Variants in TBKBP1 observed in about 807,000 individuals in gnomAD.
The protein encoded by TBKBP1 is TBK1 binding protein 1, also known as TANK-binding kinase 1-binding protein 1.
TBKBP1 carries 47 observed loss-of-function variants against 69.9 expected under a neutral mutation model. The ratio of observed to expected loss-of-function variants is 0.67; its 90% CI spans 0.53 to 0.86. The LOEUF (loss-of-function observed/expected upper bound fraction) is 0.86. Ranked by LOEUF, TBKBP1 falls within the 40% of genes least tolerant of loss-of-function variation. The probability of loss-of-function intolerance (pLI) is 0.00; values close to 1 mark genes in which losing one functional copy is unlikely to be tolerated. For missense variants in TBKBP1, 831 were observed against 858.6 expected, an observed-to-expected ratio of 0.97 and a Z score of 0.40; for synonymous variants, 418 against 390.3, an observed-to-expected ratio of 1.07 and a Z score of -0.84.
chr17:47,709,592 A>C (rs994077235), intron 9 of TBKBP1, 140 bp downstream of exon 9: 2 of 1,262,226 alleles, frequency 1.6e-6, no homozygotes, highest in African/African-American at 1.6e-5. Context: ...CCCGGGCCAC[A>C]GTCTAGGTCC....
intron 6 of TBKBP1, 63 bp downstream of exon 6, chr17:47,699,558 A>G (rs1201554888): frequency 6.2e-7 from 1 of 1,613,268 alleles, no homozygotes; most frequent in Non-Finnish European, 8.5e-7. Flanking sequence ...CACTGTGTGC[A>G]GACTGGCCCA....
Position 47,696,753 on chromosome 17 carries a change from C to G in TBKBP1, c.268C>G (p.Leu90Val), listed in dbSNP as rs753484994. ...SDFGEEHGFS[L>V]YEIKDGSLLE... ...CTTTGGAGAGGAGCATGGCTTTTCTCTGTATGAAATCAAGGATGGCTCCCT... is the reference window on the plus strand; with the variant it reads ...CTTTGGAGAGGAGCATGGCTTTTCTGTGTATGAAATCAAGGATGGCTCCCT... The change falls in exon 3 of 10, where the codon CTG becomes GTG. Residue 90 changes from leucine to valine, a missense_variant. By Grantham distance (32) the Leu-to-Val change is conservative (BLOSUM62 1). Transcript: ENST00000578982. The G allele has an allele frequency of 3.1e-6, 5 of 1,613,870 alleles. No homozygotes were observed. The African/African-American group carries it at 4.0e-5, about 13-fold the overall frequency.
Position 47,696,810 on chromosome 17 carries a change from CG to C in TBKBP1, c.327del (p.Leu110SerfsTer21). 1 of 1,613,896 alleles carries C rather than the reference CG, an allele frequency of 6.2e-7. No homozygotes were observed. Among genetic ancestry groups the C allele is most frequent in the Non-Finnish European group, 8.5e-7 (1 of 1,179,814 alleles). ...GGTGGAGAAGGTCAGCCTGCAGCAA[CG>C]GCTCAACCAGTTCCAGCATGAGGTG... The part of the protein sequence containing the change: ...LEVEKVSLQQ[R>X]LNQFQHELQK... On this transcript the variant is annotated frameshift_variant, in exon 3 of 10. Transcript: ENST00000578982. LOFTEE classifies it high-confidence loss of function.
intron 7 of TBKBP1, among the ~76,000 whole-genome samples, chr17:47,704,087 C>T (rs578164186): frequency 1.2e-4 from 18 of 152,314 alleles, no homozygotes; most frequent in Admixed American, 7.8e-4. Flanking sequence ...GGGCAACTAG[C>T]GTGAACTGGG....
chr17:47,708,963 CCCGCAGCG>C lies in TBKBP1; in HGVS notation c.1234_1241del (p.Gln412PhefsTer50). The C allele has an allele frequency of 8.7e-7, 1 of 1,151,280 alleles. No homozygotes were observed. The allele number at this position is 1,151,280 out of a possible 1,614,324, so 71.3% of individuals were successfully genotyped here. On this transcript the variant is annotated frameshift_variant, in exon 9 of 10. Transcript: ENST00000578982. LOFTEE classifies it high-confidence loss of function. This position sits in a 1 kb window ranked among gnomAD's most constrained non-coding sequence, Gnocchi z 4.4. ...TGCCGCCGTCGTGCCAGTCCCCCAG[CCCGCAGCG>C]CCGTTCCCCGGTGCCCCCCAGCTGC... is the stretch of plus-strand genomic sequence containing the variant.
rs376035317 is a variant in TBKBP1 at position 47,708,446 on chromosome 17, C to G, written c.925C>G (p.Arg309Gly). Residue 309 changes from arginine (R) to glycine (G), a missense_variant, in exon 8 of 10, where the codon CGG becomes GGG. Transcript: ENST00000578982. This position sits in a 1 kb window ranked among gnomAD's most constrained non-coding sequence, Gnocchi z 4.4. ...GCTGACGGAGGAGCTGGGCCGGCTT[C>G]GGGAGTTGAGTTCCCTACAGGGGAG... ...TELTEELGRL[R>G]ELSSLQGRIL... 9 of 1,613,750 alleles carry G rather than the reference C, an allele frequency of 5.6e-6. No homozygotes were observed. In the African/African-American group the frequency reaches 1.2e-4, roughly 22 times the overall value.
intron 7 of TBKBP1, among the ~76,000 whole-genome samples, chr17:47,701,354 G>C (rs865811442): frequency 8.3e-5 from 12 of 144,046 alleles, no homozygotes; most frequent in South Asian, 2.2e-4. Flanking sequence ...GACACACACA[G>C]ACACACACAC....
chr17:47,709,417 C>A lies in TBKBP1; in HGVS notation c.1684C>A (p.His562Asn). Reference sequence around the variant, plus strand: ...GTCGCCCGCCGCCACCGCCTACGCCCACGCCGAGCACGCGCAGTCCTGGCC... The same window carrying A: ...GTCGCCCGCCGCCACCGCCTACGCCAACGCCGAGCACGCGCAGTCCTGGCC... ...PESPAATAYA[H>N]AEHAQSWPSI... Residue 562 changes from histidine (H) to asparagine (N), a missense_variant, in exon 9 of 10, where the codon CAC becomes AAC. Transcript: ENST00000578982. The A allele has an allele frequency of 6.5e-7, 1 of 1,541,832 alleles. No individual in the cohort carries two copies. Among genetic ancestry groups the A allele is most frequent in the East Asian group, 2.5e-5 (1 of 40,726 alleles).
rs1297024072 is a variant in TBKBP1, at chr17:47,710,621, A to G, written c.1843A>G (p.Ile615Val). ...TGACTCCCACCTGGAGAACAGCAAG[A>G]TCTAGGGCACCAGCCCCACCCACTG... is the stretch of plus-strand genomic sequence containing the variant. ...HIDSHLENSK[I>V] is the part of the protein sequence containing the mutation. Residue 615 changes from isoleucine to valine, a missense_variant, in exon 10 of 10, where the codon ATC (isoleucine) becomes GTC (valine). By Grantham distance (29) the Ile-to-Val change is conservative. Coordinates refer to ENST00000578982, the MANE Select transcript of TBKBP1 (RefSeq NM_001394755.1). 2 of 1,599,628 alleles carry G rather than the reference A, an allele frequency of 1.3e-6. No individual in the cohort carries two copies. The highest frequency in any genetic ancestry group is 3.3e-5 in the Admixed American group (2 of 59,768).
At chr17:47,706,391 TC>T (rs1197069414) in intron 7 of TBKBP1, among the ~76,000 whole-genome samples, 1 of 152,084 alleles carries the variant, frequency 6.6e-6, no homozygotes, top group Non-Finnish European at 1.5e-5. Context: ...CACCTGGACC[TC>T]CCAGTCTGAT....
rs771474888 is a variant in TBKBP1 at position 47,696,328 on chromosome 17, C to T, written c.216C>T (p.Tyr72=). The change falls in exon 2 of 10, where the codon TAC becomes TAT. Residue 72 remains tyrosine (Y), a synonymous_variant. Coordinates refer to ENST00000578982, the MANE Select transcript of TBKBP1 (RefSeq NM_001394755.1). ...NATLRRRLKV[Y]EIKYPLISDF... is the part of the protein sequence containing the mutation. ...CCCTCCGACGCCGCCTCAAAGTCTA[C>T]GAGATCAAGGTCAGAACTTGGAGAG... 30 of 1,612,554 alleles carry T rather than the reference C, an allele frequency of 1.9e-5. No homozygotes were observed. Among genetic ancestry groups the T allele is most frequent in the Middle Eastern group, 1.6e-4 (1 of 6,082 alleles).
chr17:47,699,405 C>A lies in TBKBP1; in HGVS notation c.720C>A (p.Ala240=). The change falls in exon 6 of 10, where the codon GCC becomes GCA. Residue 240 remains alanine (A), a synonymous_variant. Coordinates refer to ENST00000578982, the MANE Select transcript of TBKBP1 (RefSeq NM_001394755.1). The part of the protein sequence containing the change: ...EEALEAAQGE[A]RGAQLREEQL... ...CTTTGGAGGCCGCGCAGGGAGAGGC[C>A]CGGGGGGCTCAGCTCCGGGAGGAGC... 1 of 1,566,050 alleles carries A rather than the reference C, an allele frequency of 6.4e-7. No homozygotes were observed. The highest frequency in any genetic ancestry group is 8.6e-7 in the Non-Finnish European group (1 of 1,160,080).
intron 7 of TBKBP1, among the ~76,000 whole-genome samples, chr17:47,707,619 C>T (rs999498834): frequency 1.3e-5 from 2 of 152,226 alleles, no homozygotes; most frequent in Non-Finnish European, 2.9e-5. Context: ...CTGGCACTCA[C>T]TGCAAGTGTG....
At chr17:47,697,427 G>A (rs1318307605) in intron 4 of TBKBP1, among the ~76,000 whole-genome samples, 1 of 152,180 alleles carries the variant, frequency 6.6e-6, no homozygotes, top group African/African-American at 2.4e-5. Context: ...GTGCATCCTG[G>A]CCATGCAGTG....
intron 9 of TBKBP1, 36 bp downstream of exon 9, chr17:47,709,488 C>A (rs891984991): frequency 5.5e-6 from 8 of 1,467,890 alleles, no homozygotes; most frequent in South Asian, 1.3e-5. Flanking sequence ...CACCCCGGAC[C>A]GGGCCTTGAG....
intron 2 of TBKBP1, 54 bp from the exon 3 acceptor site, chr17:47,696,657 G>T: frequency 6.2e-7 from 1 of 1,613,106 alleles, no homozygotes; most frequent in Non-Finnish European, 8.5e-7. Context: ...CCAGGCTGAG[G>T]CCTGGGCTGG....
Position 47,710,860 on chromosome 17 carries a change from A to G in TBKBP1, c.*234A>G, listed in dbSNP as rs2031901240. 2.0e-6 allele frequency: 1 copy of G among 493,628 alleles called. No individual in the cohort carries two copies. Among genetic ancestry groups the G allele is most frequent in the South Asian group, 3.2e-5 (1 of 31,208 alleles). The allele number at this position is 493,628 out of a possible 1,614,324, so 30.6% of individuals were successfully genotyped here. ...CCCATGCTCCTGGTTTCTGCTTAGGAGGTGGGGACTTGGGCTGGGATGGGG... is the reference window on the plus strand; with the variant it reads ...CCCATGCTCCTGGTTTCTGCTTAGGGGGTGGGGACTTGGGCTGGGATGGGG... On this transcript the variant is annotated 3_prime_UTR_variant, in exon 10 of 10. Transcript: ENST00000578982.
intron 3 of TBKBP1, 31 bp from the exon 4 acceptor site, chr17:47,697,052 ACTGACC>A: frequency 1.3e-6 from 2 of 1,583,000 alleles, no homozygotes; most frequent in East Asian, 2.3e-5. Flanking sequence ...CCAGTGTGGG[ACTGACC>A]CTGTGGTGGG....
In TBKBP1 at chr17:47,711,259, A is replaced by T. The variant is rs977042986; in HGVS notation, c.*633A>T. 2.6e-5 allele frequency: 4 copies of T among 153,006 alleles called. No homozygotes were observed. Among genetic ancestry groups the T allele is most frequent in the Non-Finnish European group, 4.4e-5 (3 of 68,418 alleles). 9.5% of individuals were successfully genotyped at this position (153,006 alleles called of 1,614,324 possible). ...CTCTGGGGAATAGGGAGGGGAGGAG[A>T]GGAGAGGAGAGGGAGGATCCTGGAG... On this transcript the variant is annotated 3_prime_UTR_variant, in exon 10 of 10. Coordinates refer to ENST00000578982, the MANE Select transcript of TBKBP1 (RefSeq NM_001394755.1).
Sources: allele counts gnomAD v4.1 joint callset (sites outside exome capture counted in the v4.1 genomes callset), GRCh38; gene constraint gnomAD v4.1.1; non-coding constraint Gnocchi (gnomAD v3.1); transcripts MANE v1.5; gene names NCBI Gene and HGNC (gene_info 2026-07-23, HGNC 2026-07-21).